The following MYO10 variants were observed in gnomAD, a reference collection of about 807,000 sequenced individuals.
MYO10 encodes the protein unconventional myosin-X.
A neutral mutation model predicts 257.3 loss-of-function variants in MYO10; 133 were observed. The ratio of observed to expected loss-of-function variants is 0.52; its 90% CI spans 0.45 to 0.60. The LOEUF (loss-of-function observed/expected upper bound fraction) is 0.60, where lower values mean the gene tolerates loss of function less well. Among genes scored for constraint, MYO10 ranks in the 20% least tolerant of loss-of-function variants. MYO10 has a pLI of 0.00. For missense variants in MYO10, 2,399 were observed against 2,635.7 expected, an observed-to-expected ratio of 0.91 and a Z score of 1.97; for synonymous variants, 1,104 against 1,028.6, an observed-to-expected ratio of 1.07 and a Z score of -1.40.
intron 5 of MYO10, 85 bp downstream of exon 5, chr5:16,783,250 C>A: frequency 1.5e-6 from 2 of 1,341,612 alleles, no homozygotes; most frequent in African/African-American, 1.5e-5. Context: ...GAAACGCGAC[C>A]AACTAATTTT....
chr5:16,710,454 G>A (rs1370145142), intron 21 of MYO10, among the ~76,000 whole-genome samples: 4 of 152,172 alleles, frequency 2.6e-5, no homozygotes. Context: ...CTGAGTTTTT[G>A]ACAACCAGAA....
intron 4 of MYO10, among the ~76,000 whole-genome samples, chr5:16,787,244 A>G (rs554740305): frequency 9.8e-5 from 15 of 152,296 alleles, no homozygotes; most frequent in African/African-American, 3.4e-4. Flanking sequence ...GCAGCCTCAC[A>G]TAATTCAGAT....
chr5:16,729,779 G>A (rs773529185), intron 19 of MYO10, among the ~76,000 whole-genome samples: 25 of 152,148 alleles, frequency 1.6e-4, no homozygotes, highest in Non-Finnish European at 3.2e-4. Context: ...CAACAGCAAC[G>A]CTTTGCTAAA....
At chr5:16,873,605 C>T (rs895191997) in intron 2 of MYO10, among the ~76,000 whole-genome samples, 1 of 152,236 alleles carries the variant, frequency 6.6e-6, no homozygotes, top group African/African-American at 2.4e-5. Context: ...TCCATGAGGG[C>T]CCCACCCCTG....
chr5:16,671,332 CTAAGTACCAGTTAACT>C, intron 38 of MYO10, 74 bp downstream of exon 38: 1 of 1,472,892 alleles, frequency 6.8e-7, no homozygotes, highest in Non-Finnish European at 9.2e-7. Context: ...TGCCTCATTT[CTAAGTACCAGTTAACT>C]TACAAGGCTA....
At chr5:16,784,006 G>A (rs1222773923) in intron 4 of MYO10, among the ~76,000 whole-genome samples, 3 of 152,222 alleles carry the variant, frequency 2.0e-5, no homozygotes, top group African/African-American at 7.2e-5. Flanking sequence ...GCATGGCTGA[G>A]TGTCCGAGTT....
Position 16,777,842 on chromosome 5 carries a change from T to C in MYO10, c.930+1703A>G, listed in dbSNP as rs1465759455. ...ACCCTAGGTGCATTGCATCTAACTT[T>C]TTTTTTTTTTTTTTTTTTTTTTTTT... On this transcript the variant is annotated intron_variant, in intron 9 of 40. Transcript: ENST00000513610. Among the ~76,000 whole-genome samples the C allele has an allele frequency of 3.6e-3, 288 of 79,816 alleles. 13 individuals carry two copies. Among genetic ancestry groups the C allele is most frequent in the Middle Eastern group, 6.0e-3 (1 of 166 alleles). The allele number at this position is 79,816 out of a possible 152,430, so 52.4% of individuals were successfully genotyped here.
At chr5:16,710,250 A>AT (rs1346792286) in intron 21 of MYO10, among the ~76,000 whole-genome samples, 2 of 152,134 alleles carry the variant, frequency 1.3e-5, no homozygotes, top group African/African-American at 4.8e-5. Context: ...TGGGTGGGGA[A>AT]TGAGAGTGGA....
chr5:16,670,301 T>TA (rs1736384827), intron 39 of MYO10, among the ~76,000 whole-genome samples: 1 of 152,240 alleles, frequency 6.6e-6, no homozygotes, highest in South Asian at 2.1e-4. Context: ...GATGACATCT[T>TA]AATTTTGCAT....
At chr5:16,687,153 C>A (rs1434313401) in intron 28 of MYO10, among the ~76,000 whole-genome samples, 1 of 151,730 alleles carries the variant, frequency 6.6e-6, no homozygotes, top group Admixed American at 6.6e-5. Context: ...GAGGCCCAGT[C>A]TCTACGAAAA....
chr5:16,789,980 C>T (rs556477838), intron 4 of MYO10, among the ~76,000 whole-genome samples: 38 of 152,112 alleles, frequency 2.5e-4, no homozygotes, highest in South Asian at 1.7e-3. Context: ...ATTTCAGTTC[C>T]TTTTTCTTTG....
At chr5:16,778,955 G>T (rs1285905981) in intron 9 of MYO10, among the ~76,000 whole-genome samples, 1 of 152,136 alleles carries the variant, frequency 6.6e-6, no homozygotes, top group Non-Finnish European at 1.5e-5. Flanking sequence ...CTCCCAAAGT[G>T]CTGGGATTAT....
At chr5:16,891,929 C>T (rs1745071916) in intron 1 of MYO10, among the ~76,000 whole-genome samples, 1 of 152,156 alleles carries the variant, frequency 6.6e-6, no homozygotes, top group South Asian at 2.1e-4. Context: ...ACAAATGTCT[C>T]TAATTTTTAT....
intron 3 of MYO10, among the ~76,000 whole-genome samples, chr5:16,799,523 C>T (rs1385760921): frequency 1.3e-5 from 2 of 151,086 alleles, no homozygotes; most frequent in East Asian, 1.9e-4. Context: ...GACTGAGTCT[C>T]GCTCTGTCAT....
chr5:16,821,709 A>G (rs1284828173), intron 2 of MYO10, among the ~76,000 whole-genome samples: 1 of 151,450 alleles, frequency 6.6e-6, no homozygotes, highest in Non-Finnish European at 1.5e-5. Context: ...CTCGTGATCC[A>G]CCTGCCTCGG....
intron 9 of MYO10, among the ~76,000 whole-genome samples, chr5:16,773,327 T>C (rs1352612796): frequency 6.6e-6 from 1 of 152,220 alleles, no homozygotes; most frequent in Non-Finnish European, 1.5e-5. Context: ...TTTTAAACTG[T>C]GTTAAAGACC....
In MYO10 at chr5:16,666,460, A is replaced by G; in HGVS notation, c.*232T>C. 2.2e-6 allele frequency: 1 copy of G among 450,408 alleles called. No individual in the cohort carries two copies. The highest frequency in any genetic ancestry group is 3.9e-6 in the Non-Finnish European group (1 of 255,444). The allele number at this position is 450,408 out of a possible 1,614,324, so 27.9% of individuals were successfully genotyped here. ...TCCTTTTTTAAGGCATGTGTCCTCT[A>G]AGAGTAGTAAAGCTTTGGAAACTGT... On this transcript the variant is annotated 3_prime_UTR_variant, in exon 41 of 41. Coordinates refer to ENST00000513610, the MANE Select transcript of MYO10 (RefSeq NM_012334.3).
intron 2 of MYO10, among the ~76,000 whole-genome samples, chr5:16,860,885 C>T (rs1744088318): frequency 6.6e-6 from 1 of 151,716 alleles, no homozygotes; most frequent in African/African-American, 2.4e-5. Context: ...CTAGGAAAAA[C>T]AAAGGCCTCG....
chr5:16,921,910 G>A (rs1421155508), intron 1 of MYO10, among the ~76,000 whole-genome samples: 3 of 152,022 alleles, frequency 2.0e-5, no homozygotes, highest in African/African-American at 7.2e-5. Context: ...AACAAAGACT[G>A]ATCTAGCCAA....
Sources: gnomAD v4.1 joint callset for allele counts (sites outside exome capture counted in the v4.1 genomes callset) on GRCh38, gnomAD v4.1.1 for gene constraint, MANE v1.5 for transcripts, NCBI Gene and HGNC (gene_info 2026-07-23, HGNC 2026-07-21) for gene names.